The following MYOM2 variants were observed in gnomAD, a reference collection of about 807,000 sequenced individuals.
The protein encoded by MYOM2 is myomesin-2.
A neutral mutation model predicts 187.6 loss-of-function variants in MYOM2; 254 were observed. The ratio of observed to expected loss-of-function variants is 1.35; its 90% CI spans 1.22 to 1.50. The LOEUF is 1.50. Among genes scored for constraint, MYOM2 ranks in the 40% most tolerant of loss-of-function variants. The probability of loss-of-function intolerance (pLI) is 0.00; values close to 1 mark genes in which losing one functional copy is unlikely to be tolerated. For synonymous variants in MYOM2, 981 were observed against 753.8 expected, an observed-to-expected ratio of 1.30 and a Z score of -4.94; for missense variants, 2,796 against 1,924.0, an observed-to-expected ratio of 1.45 and a Z score of -8.48.
At chr8:2,119,877 G>A (rs1563068684) in intron 28 of MYOM2, among the ~76,000 whole-genome samples, 1 of 152,262 alleles carries the variant, frequency 6.6e-6, no homozygotes, top group South Asian at 2.1e-4. Context: ...AGGACAATGA[G>A]GGGGCGGGGG....
chr8:2,085,567 G>GCCCCCCACAGTCGTGATCTCTTTGTGGCC (rs1554546526), intron 14 of MYOM2, among the ~76,000 whole-genome samples, 177 bp downstream of exon 14: 2 of 11,872 alleles, frequency 1.7e-4, no homozygotes, highest in Non-Finnish European at 2.5e-4. Context: ...TCTCTGCGTG[G>GCCCCCCACAGTCGTGATCTCTTTGTGGCC]CCCCACTGTT....
chr8:2,063,112 T>C (rs1818904826), intron 6 of MYOM2, among the ~76,000 whole-genome samples: 1 of 152,234 alleles, frequency 6.6e-6, no homozygotes, highest in Non-Finnish European at 1.5e-5. Context: ...CTCAGTATTC[T>C]TGTTGGTCCT....
At chr8:2,124,804 A>G (rs1371565968) in intron 31 of MYOM2, among the ~76,000 whole-genome samples, 1 of 152,184 alleles carries the variant, frequency 6.6e-6, no homozygotes, top group Non-Finnish European at 1.5e-5. Flanking sequence ...GTGAGATGAT[A>G]TCTCACTGCA....
chr8:2,052,461 G>A (rs1470323449), intron 3 of MYOM2, 148 bp downstream of exon 3: 5 of 814,746 alleles, frequency 6.1e-6, no homozygotes, highest in African/African-American at 5.3e-5. Context: ...GAATGCTGCT[G>A]TTTCCCAATC....
intron 6 of MYOM2, among the ~76,000 whole-genome samples, chr8:2,062,114 C>T (rs1818868792): frequency 6.6e-6 from 1 of 152,154 alleles, no homozygotes; most frequent in Non-Finnish European, 1.5e-5. Context: ...CACAAAGGCT[C>T]TGAGAGGTGC....
chr8:2,083,742 T>C (rs1416338741), intron 13 of MYOM2, among the ~76,000 whole-genome samples: 1 of 152,218 alleles, frequency 6.6e-6, no homozygotes, highest in African/African-American at 2.4e-5. Context: ...GGTTGGAGAA[T>C]CTGCAAATCC....
chr8:2,084,675 G>C (rs1473413236), intron 13 of MYOM2, among the ~76,000 whole-genome samples: 1 of 152,196 alleles, frequency 6.6e-6, no homozygotes, highest in Non-Finnish European at 1.5e-5. Flanking sequence ...TAAGTTATTT[G>C]CAAAAGGCTT....
chr8:2,046,842 A>G (rs1457780784), intron 1 of MYOM2, among the ~76,000 whole-genome samples: 1 of 151,392 alleles, frequency 6.6e-6, no homozygotes, highest in Non-Finnish European at 1.5e-5. Context: ...CTATGTAGAC[A>G]GTAGAGGGAC....
chr8:2,092,391 A>C lies in MYOM2; in HGVS notation c.1874A>C (p.Lys625Thr). The C allele has an allele frequency of 6.2e-7, 1 of 1,614,122 alleles. No individual in the cohort carries two copies. Among genetic ancestry groups the C allele is most frequent in the Non-Finnish European group, 8.5e-7 (1 of 1,180,014 alleles). The change falls in exon 16 of 37, where the codon AAG becomes ACG. Residue 625 changes from lysine (K) to threonine (T), a missense_variant. By Grantham distance (78) the Lys-to-Thr change is moderately conservative. Transcript: ENST00000262113. ...PGRVLASRNT[K>T]TSVVVQWDRP... The stretch of plus-strand genomic sequence containing the variant: ...CGGGTTCTTGCTTCCCGAAACACCA[A>C]GACGTCGGTGGTGGTGCAGTGGGAC...
intron 1 of MYOM2, among the ~76,000 whole-genome samples, chr8:2,045,846 G>T (rs1474151275): frequency 6.6e-6 from 1 of 152,248 alleles, no homozygotes; most frequent in African/African-American, 2.4e-5. Flanking sequence ...AGACAGTGGG[G>T]CTGGGTGGTT....
intron 6 of MYOM2, among the ~76,000 whole-genome samples, chr8:2,062,607 T>G (rs1818887655): frequency 6.6e-6 from 1 of 152,140 alleles, no homozygotes; most frequent in Non-Finnish European, 1.5e-5. Flanking sequence ...CTCTCCAAGT[T>G]TTTCAGAGAG....
intron 3 of MYOM2, among the ~76,000 whole-genome samples, chr8:2,053,267 A>G (rs148150546): frequency 4.4e-4 from 67 of 152,326 alleles, no homozygotes; most frequent in African/African-American, 1.6e-3. Flanking sequence ...AAAAAATTGA[A>G]TTTTTTTAAA....
At chr8:2,133,807 G>A (rs1797959095) in intron 32 of MYOM2, among the ~76,000 whole-genome samples, 1 of 152,132 alleles carries the variant, frequency 6.6e-6, no homozygotes, top group African/African-American at 2.4e-5. Flanking sequence ...TTACACTTGT[G>A]TTACTTCCAG....
chr8:2,077,079 A>C (rs1050330992), intron 11 of MYOM2, among the ~76,000 whole-genome samples: 12 of 152,214 alleles, frequency 7.9e-5, no homozygotes, highest in Non-Finnish European at 1.5e-4. Flanking sequence ...TGGGAGGCCA[A>C]CGCGGGCGGA....
rs573681189 is a variant in MYOM2 at position 2,100,452 on chromosome 8, C to T, written c.2441-424C>T. 32 of 178,314 alleles carry T rather than the reference C, an allele frequency of 1.8e-4. No homozygotes were observed. The East Asian group carries it at 3.0e-3, about 17-fold the overall frequency. The allele number at this position is 178,314 out of a possible 1,614,324, so 11.0% of individuals were successfully genotyped here. On this transcript the variant is annotated intron_variant, in intron 19 of 36. Coordinates refer to ENST00000262113, the MANE Select transcript of MYOM2 (RefSeq NM_003970.4). ...CCGCACCACATGCCCTCAGAGTTGC[C>T]GCGGGTGTTCGTAGAGGACAGGGCT...
At chr8:2,127,538 AGCG>A (rs1797691122) in intron 31 of MYOM2, among the ~76,000 whole-genome samples, 1 of 152,208 alleles carries the variant, frequency 6.6e-6, no homozygotes, top group Non-Finnish European at 1.5e-5. Context: ...GCAGTGGACT[AGCG>A]GGGTTTAGGG....
At position 2,121,616 on chromosome 8, in the gene MYOM2, G is replaced by A. The variant is rs189839725; in HGVS notation, c.3454-1636G>A. On this transcript the variant is annotated intron_variant, in intron 28 of 36. Transcript: ENST00000262113. ...AGGGTTTTTCATTTAATAATGTGGT[G>A]CAGATGGTTATTTTAAAAATTATTA... Among the ~76,000 whole-genome samples the A allele has an allele frequency of 5.0e-3, 764 of 152,274 alleles. 3 individuals are homozygous for A. The highest frequency in any genetic ancestry group is 8.7e-3 in the Non-Finnish European group (592 of 68,028).
chr8:2,126,116 G>A (rs1339773588), intron 31 of MYOM2, among the ~76,000 whole-genome samples: 2 of 152,162 alleles, frequency 1.3e-5, no homozygotes, highest in Non-Finnish European at 2.9e-5. Flanking sequence ...AAGAGTGAGT[G>A]TTTATAAGGA....
At chr8:2,052,550 A>T (rs116830235) in intron 3 of MYOM2, among the ~76,000 whole-genome samples, 1,537 of 152,316 alleles carry the variant, frequency 0.01, 26 homozygotes, top group African/African-American at 0.035. Flanking sequence ...ACCATTTTGC[A>T]GAAGAGAGCG....
Sources: gnomAD v4.1 joint callset for allele counts (sites outside exome capture counted in the v4.1 genomes callset) on GRCh38, gnomAD v4.1.1 for gene constraint, MANE v1.5 for transcripts, NCBI Gene and HGNC (gene_info 2026-07-23, HGNC 2026-07-21) for gene names.